FARS2: variants seen among roughly 807,000 people sequenced by gnomAD.
The protein encoded by FARS2 is phenylalanyl-tRNA synthetase 2, mitochondrial.
A neutral mutation model predicts 46.4 loss-of-function variants in FARS2; 40 were observed. The ratio of observed to expected loss-of-function variants is 0.86; its 90% CI spans 0.67 to 1.12. FARS2 has a LOEUF of 1.12. FARS2 is among the 50% of genes most tolerant of loss of function. The pLI, the probability that FARS2 is intolerant of heterozygous loss-of-function variation, is 0.00. For synonymous variants in FARS2, 234 were observed against 214.9 expected (o/e 1.09, Z -0.78); for missense variants, 513 against 567.9 (o/e 0.90, Z 0.98).
At chr6:5,565,997 C>G (rs1053595191) in intron 5 of FARS2, among the ~76,000 whole-genome samples, 1 of 152,190 alleles carries the variant, frequency 6.6e-6, no homozygotes, top group Non-Finnish European at 1.5e-5. Context: ...CCAATTTGAC[C>G]ATGAGGTGAA....
intron 6 of FARS2, among the ~76,000 whole-genome samples, chr6:5,652,123 G>A (rs540338474): frequency 1.3e-5 from 2 of 152,220 alleles, no homozygotes; most frequent in African/African-American, 2.4e-5. Flanking sequence ...GGCAGGAGAT[G>A]TGAGGCATGA....
chr6:5,284,498 C>G (rs920432873), intron 1 of FARS2, among the ~76,000 whole-genome samples: 2 of 152,170 alleles, frequency 1.3e-5, no homozygotes, highest in African/African-American at 4.8e-5. Context: ...GGCTGTCGTG[C>G]AGTGTTCTTC....
intron 4 of FARS2, among the ~76,000 whole-genome samples, chr6:5,484,916 G>C (rs1582239530): frequency 6.6e-6 from 1 of 152,312 alleles, no homozygotes; most frequent in African/African-American, 2.4e-5. Context: ...GGCTGTGTTT[G>C]TGCTAGTTTT....
intron 1 of FARS2, among the ~76,000 whole-genome samples, chr6:5,283,462 T>A (rs1267077165): frequency 1.3e-5 from 2 of 150,614 alleles, no homozygotes; most frequent in African/African-American, 4.9e-5. Context: ...GGCAGGAGAA[T>A]TGCTTGAACC....
chr6:5,583,121 A>G (rs1773428397), intron 5 of FARS2, among the ~76,000 whole-genome samples: 1 of 152,256 alleles, frequency 6.6e-6, no homozygotes, highest in African/African-American at 2.4e-5. Context: ...CCTGTGTCCA[A>G]TACATAATTC....
chr6:5,484,838 C>T (rs1038135406), intron 4 of FARS2, among the ~76,000 whole-genome samples: 1 of 152,126 alleles, frequency 6.6e-6, no homozygotes. Context: ...ATCCTTAGTG[C>T]GTGCAGCTGA....
chr6:5,434,621 TGTA>T (rs1455556509), intron 4 of FARS2, among the ~76,000 whole-genome samples: 1 of 152,204 alleles, frequency 6.6e-6, no homozygotes, highest in Non-Finnish European at 1.5e-5. Flanking sequence ...CACAGACATT[TGTA>T]AGTGCAGCTA....
intron 4 of FARS2, among the ~76,000 whole-genome samples, chr6:5,496,738 A>G (rs906333474): frequency 6.6e-6 from 1 of 152,090 alleles, no homozygotes; most frequent in African/African-American, 2.4e-5. Context: ...CCTCATTTTA[A>G]CTAATTACCT....
chr6:5,324,443 CTT>C (rs745311767), intron 1 of FARS2, among the ~76,000 whole-genome samples: 15 of 88,246 alleles, frequency 1.7e-4, no homozygotes, highest in South Asian at 3.7e-4. Flanking sequence ...AGACTATTTG[CTT>C]TTTTTTTTTT....
intron 3 of FARS2, among the ~76,000 whole-genome samples, chr6:5,412,607 A>AT (rs574875808): frequency 7.2e-5 from 11 of 152,136 alleles, no homozygotes; most frequent in Non-Finnish European, 1.2e-4. Flanking sequence ...ACCTTTTCAT[A>AT]TTTTTTTATC....
chr6:5,486,005 C>T (rs1001689803), intron 4 of FARS2, among the ~76,000 whole-genome samples: 1 of 152,194 alleles, frequency 6.6e-6, no homozygotes, highest in African/African-American at 2.4e-5. Context: ...CACTGCTAAC[C>T]TTGGGGACTT....
intron 6 of FARS2, among the ~76,000 whole-genome samples, chr6:5,680,673 G>A (rs1778987388): frequency 6.6e-6 from 1 of 151,322 alleles, no homozygotes; most frequent in Admixed American, 6.6e-5. Context: ...CAACATTTTG[G>A]TATATTTCCT....
intron 2 of FARS2, among the ~76,000 whole-genome samples, chr6:5,395,629 C>T (rs771820193): frequency 1.3e-5 from 2 of 152,160 alleles, no homozygotes; most frequent in Non-Finnish European, 2.9e-5. Context: ...TCCTTATTCT[C>T]CACTAATTAA....
At chr6:5,261,002 A>C, upstream of FARS2, 4 of 1,051,368 alleles carry the variant, frequency 3.8e-6, no homozygotes, top group South Asian at 3.7e-5. Flanking sequence ...CCCCGCCCCG[A>C]TCCCGCCCCC....
chr6:5,509,369 G>A (rs773140043), intron 4 of FARS2, among the ~76,000 whole-genome samples: 3 of 152,162 alleles, frequency 2.0e-5, no homozygotes, highest in Non-Finnish European at 4.4e-5. Flanking sequence ...TTAAAGCAGC[G>A]GCCCCTCCGT....
chr6:5,546,917 A>G (rs1408228263), intron 5 of FARS2, among the ~76,000 whole-genome samples: 1 of 151,388 alleles, frequency 6.6e-6, no homozygotes, highest in Non-Finnish European at 1.5e-5. Flanking sequence ...ATTCTTTCAC[A>G]TATTCATAAT....
chr6:5,574,924 AG>A (rs1276236851), intron 5 of FARS2, among the ~76,000 whole-genome samples: 1 of 151,744 alleles, frequency 6.6e-6, no homozygotes, highest in Admixed American at 6.6e-5. Context: ...TCTAGGATCC[AG>A]GGAATACTAT....
At chr6:5,455,044 G>C (rs1582154325) in intron 4 of FARS2, among the ~76,000 whole-genome samples, 1 of 152,204 alleles carries the variant, frequency 6.6e-6, no homozygotes, top group African/African-American at 2.4e-5. Context: ...CAAGGACCTT[G>C]TTGGTCATAG....
chr6:5,646,431 T>C (rs1485794879), intron 6 of FARS2, among the ~76,000 whole-genome samples: 1 of 152,132 alleles, frequency 6.6e-6, no homozygotes, highest in African/African-American at 2.4e-5. Context: ...GCTCACACAG[T>C]CTCATGGTCC....
Sources: gnomAD v4.1 joint callset for allele counts (sites outside exome capture counted in the v4.1 genomes callset) on GRCh38, gnomAD v4.1.1 for gene constraint, MANE v1.5 for transcripts, NCBI Gene and HGNC (gene_info 2026-07-23, HGNC 2026-07-21) for gene names.